The following ADAMTS18 variants were observed in gnomAD, a reference collection of about 807,000 sequenced individuals.
ADAMTS18 encodes ADAM metallopeptidase with thrombospondin type 1 motif 18.
Under a neutral mutation model 165.9 loss-of-function variants are expected in ADAMTS18, and 157 were observed. The observed-to-expected ratio is 0.95, with a 90% CI of 0.83 to 1.08. ADAMTS18 has a LOEUF of 1.08. ADAMTS18 is among the 50% of genes least tolerant of loss of function. The pLI is 0.00. For missense variants in ADAMTS18, 2,040 were observed against 1,534.0 expected (o/e 1.33, Z -5.51); for synonymous variants, 782 against 578.2 (o/e 1.35, Z -5.06).
rs1448729641 is a variant in ADAMTS18 at position 77,351,674 on chromosome 16, G to A, written c.1614+2059C>T. Among the ~76,000 whole-genome samples the A allele has an allele frequency of 2.0e-5, 3 of 152,106 alleles. No homozygotes were observed. In the East Asian group the frequency reaches 5.8e-4, roughly 29 times the overall value. ...ACAAACTTTTTCAACAAAGTGAATGGCTACTTAACTTCTGCCAAAACCATC... is the reference window on the plus strand; with the variant it reads ...ACAAACTTTTTCAACAAAGTGAATGACTACTTAACTTCTGCCAAAACCATC... On this transcript the variant is annotated intron_variant, in intron 10 of 22. Coordinates refer to ENST00000282849, the MANE Select transcript of ADAMTS18 (RefSeq NM_199355.4).
intron 16 of ADAMTS18, among the ~76,000 whole-genome samples, chr16:77,310,407 C>T (rs146363862): frequency 9.9e-5 from 15 of 152,230 alleles, no homozygotes; most frequent in African/African-American, 3.4e-4. Context: ...CTGGGGAAAT[C>T]ATTTCTGAAA....
intron 3 of ADAMTS18, among the ~76,000 whole-genome samples, chr16:77,402,899 C>T (rs2057348975): frequency 6.6e-6 from 1 of 152,138 alleles, no homozygotes; most frequent in East Asian, 1.9e-4. Context: ...ATGGGAAATG[C>T]CCCAAATGTC....
intron 3 of ADAMTS18, among the ~76,000 whole-genome samples, chr16:77,395,298 G>C (rs2057242122): frequency 6.6e-6 from 1 of 152,182 alleles, no homozygotes. Context: ...AAGGTCCTTA[G>C]GACTGGCCTC....
At chr16:77,360,593 G>A (rs1164045515) in intron 7 of ADAMTS18, among the ~76,000 whole-genome samples, 1 of 141,806 alleles carries the variant, frequency 7.1e-6, no homozygotes, top group Non-Finnish European at 1.6e-5. Context: ...ACAATGCACT[G>A]GATTATCATA....
At chr16:77,303,368 C>G (rs1023880499) in intron 16 of ADAMTS18, among the ~76,000 whole-genome samples, 2 of 152,214 alleles carry the variant, frequency 1.3e-5, no homozygotes, top group East Asian at 3.9e-4. Flanking sequence ...CACTTGAATG[C>G]TTAAGAGTAT....
At chr16:77,301,464 TC>T (rs1222249478) in intron 16 of ADAMTS18, among the ~76,000 whole-genome samples, 1 of 152,258 alleles carries the variant, frequency 6.6e-6, no homozygotes, top group African/African-American at 2.4e-5. Flanking sequence ...TCTTCTTTTT[TC>T]TTTTCCAAGC....
chr16:77,395,570 T>C (rs2057246010), intron 3 of ADAMTS18, among the ~76,000 whole-genome samples: 1 of 152,214 alleles, frequency 6.6e-6, no homozygotes, highest in Non-Finnish European at 1.5e-5. Flanking sequence ...TTCATAGCAC[T>C]ATGCTCCTTT....
Position 77,283,862 on chromosome 16 carries a change from C to G in ADAMTS18, c.*94G>C. The G allele has an allele frequency of 2.1e-6, 2 of 973,654 alleles. No individual in the cohort carries two copies. The highest frequency in any genetic ancestry group is 2.6e-5 in the South Asian group (2 of 76,314). 60.3% of individuals were successfully genotyped at this position (973,654 alleles called of 1,614,324 possible). A position where few individuals can be genotyped will look rare whatever the true frequency, so the allele number is the denominator to read the frequency against. On this transcript the variant is annotated 3_prime_UTR_variant, in exon 23 of 23. Transcript: ENST00000282849. ...TCACAGCGGCAGCTCACAGATGGTT[C>G]TCGGTGCTCAGCTCCTGGTCTCAAA...
chr16:77,335,878 CTT>C lies in ADAMTS18; in HGVS notation c.1735_1736del (p.Lys579ValfsTer39), dbSNP rs750406270. 3 of 1,614,236 alleles carry C rather than the reference CTT, an allele frequency of 1.9e-6. No individual in the cohort carries two copies. Among genetic ancestry groups the C allele is most frequent in the Non-Finnish European group, 2.5e-6 (3 of 1,180,040 alleles). Reference sequence around the variant, plus strand: ...TGGGCCGGGGCCCGAGCTCCCCAAACTTTACGCACTGGCCTTGCCGACACCAC... The same window carrying C: ...TGGGCCGGGGCCCGAGCTCCCCAAACTACGCACTGGCCTTGCCGACACCAC... ...SMWCRQGQCV[K>X]FGELGPRPIH... On this transcript the variant is annotated frameshift_variant, in exon 12 of 23. Transcript: ENST00000282849. LOFTEE classifies it high-confidence loss of function.
At chr16:77,317,202 T>C (rs576715719) in intron 16 of ADAMTS18, among the ~76,000 whole-genome samples, 1 of 152,328 alleles carries the variant, frequency 6.6e-6, no homozygotes, top group African/African-American at 2.4e-5. Flanking sequence ...TGCTGTACTG[T>C]ACCCTCCAAC....
In ADAMTS18 at chr16:77,434,925, C is replaced by T; in HGVS notation, c.-230G>A. 1 of 386,908 alleles carries T rather than the reference C, an allele frequency of 2.6e-6. No homozygotes were observed. Among genetic ancestry groups the T allele is most frequent in the East Asian group, 4.3e-5 (1 of 23,000 alleles). The allele number at this position is 386,908 out of a possible 1,614,324, so 24.0% of individuals were successfully genotyped here. A position where few individuals can be genotyped will look rare whatever the true frequency, so the allele number is the denominator to read the frequency against. ...CCTGCCGAGCTGCAGTTTGCGGCACCCCAGAGGGTACGGGGGGCTCCCTGG... is the reference window on the plus strand; with the variant it reads ...CCTGCCGAGCTGCAGTTTGCGGCACTCCAGAGGGTACGGGGGGCTCCCTGG... On this transcript the variant is annotated 5_prime_UTR_variant, in exon 1 of 23. Transcript: ENST00000282849.
chr16:77,341,949 A>G, intron 10 of ADAMTS18, 150 bp from the exon 11 acceptor site: 1 of 653,230 alleles, frequency 1.5e-6, no homozygotes. Context: ...TGGCAACACC[A>G]AAGTTAATAT....
In ADAMTS18 at chr16:77,283,714, T is replaced by A. The variant is rs1567448374; in HGVS notation, c.*242A>T. 10 of 502,258 alleles carry A rather than the reference T, an allele frequency of 2.0e-5. 1 individual carries two copies. Among genetic ancestry groups the A allele is most frequent in the Non-Finnish European group, 3.3e-5 (9 of 276,860 alleles). The allele number at this position is 502,258 out of a possible 1,614,324, so 31.1% of individuals were successfully genotyped here. On this transcript the variant is annotated 3_prime_UTR_variant, in exon 23 of 23. Coordinates refer to ENST00000282849, the MANE Select transcript of ADAMTS18 (RefSeq NM_199355.4). Reference sequence around the variant, plus strand: ...GCATATAACAGTGCAAATCAAAGATTTTTTTTAAAGTCAGATTTGTCATCG... The same window carrying A: ...GCATATAACAGTGCAAATCAAAGATATTTTTTAAAGTCAGATTTGTCATCG...
At chr16:77,403,017 A>C (rs537374448) in intron 3 of ADAMTS18, among the ~76,000 whole-genome samples, 24 of 152,328 alleles carry the variant, frequency 1.6e-4, no homozygotes, top group African/African-American at 5.3e-4. Context: ...TACAACAAAC[A>C]GTAGCCACTA....
intron 3 of ADAMTS18, among the ~76,000 whole-genome samples, chr16:77,371,959 CA>C (rs1213819733): frequency 6.6e-6 from 1 of 152,014 alleles, no homozygotes; most frequent in South Asian, 2.1e-4. Flanking sequence ...TTAAGATGGC[CA>C]AAAAACCTAA....
chr16:77,384,163 A>G (rs1307092682), intron 3 of ADAMTS18, among the ~76,000 whole-genome samples: 2 of 152,186 alleles, frequency 1.3e-5, no homozygotes, highest in African/African-American at 4.8e-5. Context: ...AAATAAAGCA[A>G]TATGTATGGT....
chr16:77,419,938 G>T (rs551395795), intron 3 of ADAMTS18, among the ~76,000 whole-genome samples: 6 of 143,084 alleles, frequency 4.2e-5, no homozygotes, highest in African/African-American at 1.6e-4. Context: ...GGCGGAGGTT[G>T]CAGTAAACCG....
At chr16:77,344,551 G>T (rs146892075) in intron 10 of ADAMTS18, among the ~76,000 whole-genome samples, 7 of 152,168 alleles carry the variant, frequency 4.6e-5, no homozygotes, top group South Asian at 2.1e-4. Context: ...ACTTAGAAAG[G>T]CTTTCAGAAC....
Position 77,282,818 on chromosome 16 carries a change from G to A in ADAMTS18, c.*1138C>T, listed in dbSNP as rs145130921. 3 of 151,938 alleles carry A rather than the reference G, an allele frequency of 2.0e-5. No individual in the cohort carries two copies. The highest frequency in any genetic ancestry group is 2.9e-5 in the Non-Finnish European group (2 of 67,922). The allele number at this position is 151,938 out of a possible 1,614,324, so 9.4% of individuals were successfully genotyped here. On this transcript the variant is annotated 3_prime_UTR_variant, in exon 23 of 23. Transcript: ENST00000282849. ...CTGAAAATACTCTTATTCAGTGAGG[G>A]TCTTGTCATATTATGATTTATTAAT... is the stretch of plus-strand genomic sequence containing the variant.
Sources: allele counts gnomAD v4.1 joint callset (sites outside exome capture counted in the v4.1 genomes callset), GRCh38; gene constraint gnomAD v4.1.1; transcripts MANE v1.5; gene names NCBI Gene and HGNC (gene_info 2026-07-23, HGNC 2026-07-21).